The following EML3 variants were observed in gnomAD, a reference collection of about 807,000 sequenced individuals.
EML3 encodes EMAP like 3.
In EML3, 53 loss-of-function variants were observed where a neutral mutation model predicts 106.7. That is an observed-to-expected ratio of 0.50 (90% CI 0.40 to 0.62). The LOEUF (loss-of-function observed/expected upper bound fraction) is 0.62, where lower values mean the gene tolerates loss of function less well. EML3 is among the 20% of genes least tolerant of loss of function. EML3 has a pLI of 0.00. For missense variants in EML3, 994 were observed against 1,209.1 expected, an observed-to-expected ratio of 0.82 and a Z score of 2.64; for synonymous variants, 499 against 489.6, an observed-to-expected ratio of 1.02 and a Z score of -0.25.
At position 62,608,655 on chromosome 11, in the gene EML3, G is replaced by A. The variant is rs764538920; in HGVS notation, c.1000-3C>T. On this transcript the variant is annotated splice_polypyrimidine_tract_variant and splice_region_variant and intron_variant, in intron 8 of 21. Coordinates refer to ENST00000394773, the MANE Select transcript of EML3 (RefSeq NM_153265.3). ...ATGTGAACCACAGGCTGCAGGGGCT[G>A]GTGGAGGAAGAGTCACAAGTGTGAA... 8.7e-6 allele frequency: 14 copies of A among 1,614,110 alleles called. No individual in the cohort carries two copies. The Middle Eastern group carries it at 8.2e-4, about 95-fold the overall frequency.
chr11:62,607,293 T>C, intron 11 of EML3, 194 bp from the exon 12 acceptor site: 1 of 576,600 alleles, frequency 1.7e-6, no homozygotes, highest in Non-Finnish European at 2.9e-6. Context: ...CACTCCAGCC[T>C]GGGTGATAGA....
intron 11 of EML3, chr11:62,607,305 C>T: frequency 2.0e-6 from 1 of 488,452 alleles, no homozygotes; most frequent in African/African-American, 2.0e-5. Flanking sequence ...GGTGATAGAG[C>T]AAGGCACTGT....
Position 62,612,586 on chromosome 11 carries a change from G to C in EML3, c.-129C>G. On this transcript the variant is annotated 5_prime_UTR_variant, in exon 1 of 22. Coordinates refer to ENST00000394773, the MANE Select transcript of EML3 (RefSeq NM_153265.3). ...AAGGGCGCCGTACCACCACCCCGAG[G>C]GGGCGCTGTCGGGCGCGGGGAAGGG... The C allele has an allele frequency of 1.0e-6, 1 of 971,346 alleles. No individual in the cohort carries two copies. Among genetic ancestry groups the C allele is most frequent in the Non-Finnish European group, 1.4e-6 (1 of 731,970 alleles). 60.2% of individuals were successfully genotyped at this position (971,346 alleles called of 1,614,324 possible).
intron 1 of EML3, 143 bp from the exon 2 acceptor site, chr11:62,611,739 G>A (rs921069822): frequency 8.4e-5 from 80 of 948,234 alleles, no homozygotes; most frequent in African/African-American, 5.0e-5. Context: ...CGTCCAGAGG[G>A]GAGGAGACGG....
At chr11:62,606,784 A>G (rs2512559) in intron 12 of EML3, among the ~76,000 whole-genome samples, 174 bp downstream of exon 12, 151,166 of 151,964 alleles carry the variant, frequency 0.99, 75,191 homozygotes, top group Middle Eastern at 1. Flanking sequence ...TTGAACCTGG[A>G]AGGCAGAGGT....
Position 62,602,394 on chromosome 11 carries a change from T to C in EML3, c.*81A>G, listed in dbSNP as rs1328003362. On this transcript the variant is annotated 3_prime_UTR_variant, in exon 22 of 22. Coordinates refer to ENST00000394773, the MANE Select transcript of EML3 (RefSeq NM_153265.3). ...GTCAGTCCAGGAAAGAGTCGGCCCC[T>C]AGTCGTGGGGGATTGGGCCAGGGAA... 1 of 1,548,410 alleles carries C rather than the reference T, an allele frequency of 6.5e-7. No homozygotes were observed. Among genetic ancestry groups the C allele is most frequent in the Non-Finnish European group, 8.7e-7 (1 of 1,145,282 alleles).
intron 1 of EML3, chr11:62,612,226 T>G (rs1942867798): frequency 1.9e-6 from 1 of 525,958 alleles, no homozygotes; most frequent in Non-Finnish European, 3.3e-6. Flanking sequence ...CGGAGTTACG[T>G]GGGGCGTAGA....
chr11:62,611,635 A>C (rs1334241159), intron 1 of EML3, 39 bp from the exon 2 acceptor site: 1 of 1,584,960 alleles, frequency 6.3e-7, no homozygotes. Flanking sequence ...TGTACCCATC[A>C]CCTGAAGAAA....
chr11:62,608,889 C>G (rs1342456078), intron 7 of EML3, 73 bp downstream of exon 7: 3 of 1,589,022 alleles, frequency 1.9e-6, no homozygotes, highest in African/African-American at 2.7e-5. Flanking sequence ...AGCAGCAAGG[C>G]AACTCTTTTC....
intron 19 of EML3, 33 bp downstream of exon 19, chr11:62,603,696 C>T (rs762908284): frequency 2.5e-6 from 4 of 1,593,806 alleles, no homozygotes; most frequent in Admixed American, 3.3e-5. Flanking sequence ...CTCCAATTAC[C>T]CTCTCCCCAT....
Position 62,605,765 on chromosome 11 carries a change from A to G in EML3, c.1791T>C (p.Thr597=). The change falls in exon 15 of 22, where the codon ACT becomes ACC. Residue 597 remains threonine, a synonymous_variant. Coordinates refer to ENST00000394773, the MANE Select transcript of EML3 (RefSeq NM_153265.3). This position sits in a 1 kb window ranked among gnomAD's most constrained non-coding sequence, Gnocchi z 5.2. The part of the protein sequence containing the change: ...QGFSPVIQGH[T]DELWGLCTHP... ...GTGTGCAGAGCCCCCAGAGCTCATC[A>G]GTGTGGCCCTGCAGCACAGCATGAC... 1 of 1,595,154 alleles carries G rather than the reference A, an allele frequency of 6.3e-7. No homozygotes were observed. The highest frequency in any genetic ancestry group is 1.1e-5 in the South Asian group (1 of 88,300).
chr11:62,607,821 T>C lies in EML3; in HGVS notation c.1207A>G (p.Ser403Gly), dbSNP rs1175737292. The change falls in exon 11 of 22, where the codon AGT (serine) becomes GGT (glycine). Residue 403 changes from serine to glycine, a missense_variant and splice_region_variant. By Grantham distance (56) the Ser-to-Gly change is moderately conservative. This residue lies in a region of EML3 where 713 missense variants were observed against 920.5 expected (regional missense o/e 0.77). Transcript: ENST00000394773. Reference protein sequence around the residue: ...SRGMKLAEIKSTNDSVLAVGF... With the variant: ...SRGMKLAEIKGTNDSVLAVGF... Reference sequence around the variant, plus strand: ...ACGGCCAGGACTGAGTCATTTGTACTCTGAAGGGAAGACACTAGATTCAGC... The same window carrying C: ...ACGGCCAGGACTGAGTCATTTGTACCCTGAAGGGAAGACACTAGATTCAGC... The C allele has an allele frequency of 1.9e-6, 3 of 1,612,780 alleles. No individual in the cohort carries two copies. In the Admixed American group the frequency reaches 5.0e-5, roughly 27 times the overall value.
chr11:62,611,713 C>A (rs1942839532), intron 1 of EML3, 117 bp from the exon 2 acceptor site: 2 of 1,231,312 alleles, frequency 1.6e-6, no homozygotes, highest in Non-Finnish European at 2.2e-6. Flanking sequence ...TTCAGGCAGC[C>A]CCAGGCTTGA....
Position 62,611,068 on chromosome 11 carries a change from A to G in EML3, c.452+19T>C. The G allele has an allele frequency of 6.2e-7, 1 of 1,601,318 alleles. No homozygotes were observed. Among genetic ancestry groups the G allele is most frequent in the Non-Finnish European group, 8.5e-7 (1 of 1,177,706 alleles). On this transcript the variant is annotated intron_variant, in intron 3 of 21. Transcript: ENST00000394773. Reference sequence around the variant, plus strand: ...TACCACCCCTCCCAGCTTCCGCCACAGGGCCACAGGACACCTACGTGTCAG... The same window carrying G: ...TACCACCCCTCCCAGCTTCCGCCACGGGGCCACAGGACACCTACGTGTCAG...
intron 1 of EML3, chr11:62,612,216 C>G: frequency 1.9e-6 from 1 of 524,980 alleles, no homozygotes. Flanking sequence ...TCGAGGGGCC[C>G]GGAGTTACGT....
At chr11:62,607,300 T>A (rs568599599) in intron 11 of EML3, 19 of 556,436 alleles carry the variant, frequency 3.4e-5, no homozygotes, top group Admixed American at 2.5e-4. Flanking sequence ...GCCTGGGTGA[T>A]AGAGCAAGGC....
chr11:62,603,346 G>A (rs1380823726), intron 19 of EML3, 99 bp from the exon 20 acceptor site: 12 of 1,110,924 alleles, frequency 1.1e-5, no homozygotes, highest in African/African-American at 1.5e-5. Flanking sequence ...GAAACCCGGC[G>A]ATGGCATGTG....
At position 62,604,277 on chromosome 11, in the gene EML3, T is replaced by G; in HGVS notation, c.1983-76A>C. The G allele has an allele frequency of 1.2e-5, 15 of 1,275,858 alleles. No homozygotes were observed. In the South Asian group the frequency reaches 1.7e-4, roughly 15 times the overall value. 79.0% of individuals were successfully genotyped at this position (1,275,858 alleles called of 1,614,324 possible). Reference sequence around the variant, plus strand: ...AAGGAGACCCCCAGGGAGGCCACCCTGGGTAGGCTTGGGGATGGCAAATAA... The same window carrying G: ...AAGGAGACCCCCAGGGAGGCCACCCGGGGTAGGCTTGGGGATGGCAAATAA... On this transcript the variant is annotated intron_variant, in intron 16 of 21. Transcript: ENST00000394773.
At chr11:62,603,452 C>G (rs548507488) in intron 19 of EML3, among the ~76,000 whole-genome samples, 70 of 152,316 alleles carry the variant, frequency 4.6e-4, no homozygotes, top group Non-Finnish European at 7.5e-4. Flanking sequence ...ACAGCTTCCA[C>G]GAGTTCCTCC....
Sources: gnomAD v4.1 joint callset for allele counts (sites outside exome capture counted in the v4.1 genomes callset) on GRCh38, gnomAD v4.1.1 for gene constraint, gnomAD v4.1.1 regional missense constraint, Gnocchi (gnomAD v3.1) non-coding constraint, MANE v1.5 for transcripts, NCBI Gene and HGNC (gene_info 2026-07-23, HGNC 2026-07-21) for gene names.